MBOAT1: variants seen among roughly 807,000 people sequenced by gnomAD.
MBOAT1 encodes the protein membrane-bound glycerophospholipid O-acyltransferase 1.
MBOAT1 carries 67 observed loss-of-function variants against 64.4 expected under a neutral mutation model. The ratio of observed to expected loss-of-function variants is 1.04; its 90% CI spans 0.85 to 1.27. MBOAT1 has a LOEUF of 1.27. Among genes scored for constraint, MBOAT1 ranks in the 50% most tolerant of loss-of-function variants. MBOAT1 has a pLI of 0.00. For missense variants in MBOAT1, 563 were observed against 604.6 expected (o/e 0.93, Z 0.72); for synonymous variants, 229 against 218.9 (o/e 1.05, Z -0.41).
intron 1 of MBOAT1, among the ~76,000 whole-genome samples, chr6:20,190,304 T>G (rs1420454476): frequency 6.6e-6 from 1 of 152,190 alleles, no homozygotes; most frequent in African/African-American, 2.4e-5. Context: ...CTCTAAGTTT[T>G]TAAATATGAA....
chr6:20,101,541 C>G lies in MBOAT1; in HGVS notation c.*745G>C, dbSNP rs1759786040. Among the ~76,000 whole-genome samples the G allele has an allele frequency of 6.6e-6, 1 of 152,156 alleles. No homozygotes were observed. Among genetic ancestry groups the G allele is most frequent in the South Asian group, 2.1e-4 (1 of 4,830 alleles). ...ACAAGTCAAAGGGTCTGGGGCTTCC[C>G]AGGGAACCACTATGACTGAGTATAT... On this transcript the variant is annotated 3_prime_UTR_variant, in exon 13 of 13. Coordinates refer to ENST00000324607, the MANE Select transcript of MBOAT1 (RefSeq NM_001080480.3).
At chr6:20,139,755 A>G (rs1289548159) in intron 4 of MBOAT1, among the ~76,000 whole-genome samples, 8 of 150,478 alleles carry the variant, frequency 5.3e-5, no homozygotes, top group Non-Finnish European at 8.9e-5. Flanking sequence ...GGGTCTCACT[A>G]TGTTGCCCAG....
intron 4 of MBOAT1, among the ~76,000 whole-genome samples, chr6:20,137,001 ATC>A (rs925054351): frequency 6.6e-6 from 1 of 152,156 alleles, no homozygotes. Context: ...TTAATCATTC[ATC>A]TCTTTTAGAC....
At chr6:20,164,743 G>C (rs568575830) in intron 1 of MBOAT1, among the ~76,000 whole-genome samples, 2 of 152,174 alleles carry the variant, frequency 1.3e-5, no homozygotes, top group Non-Finnish European at 2.9e-5. Context: ...GCAGCTTAGC[G>C]AGTGTATGTT....
intron 10 of MBOAT1, 57 bp downstream of exon 10, chr6:20,115,231 T>C: frequency 7.8e-7 from 1 of 1,286,456 alleles, no homozygotes; most frequent in African/African-American, 1.5e-5. Flanking sequence ...ATCTACTGAC[T>C]CCCCTCTGAA....
intron 8 of MBOAT1, among the ~76,000 whole-genome samples, chr6:20,124,162 C>T (rs1581405231): frequency 6.6e-6 from 1 of 152,286 alleles, no homozygotes; most frequent in East Asian, 1.9e-4. Context: ...CAAGTTTTGA[C>T]ATCTGCTAAT....
intron 1 of MBOAT1, among the ~76,000 whole-genome samples, chr6:20,189,129 A>G (rs754166139): frequency 6.6e-6 from 1 of 152,192 alleles, no homozygotes; most frequent in Admixed American, 6.5e-5. Flanking sequence ...TAAACCATGG[A>G]CATTTTGCAC....
At chr6:20,192,488 C>T (rs189711676) in intron 1 of MBOAT1, among the ~76,000 whole-genome samples, 19 of 152,292 alleles carry the variant, frequency 1.2e-4, no homozygotes, top group Admixed American at 1.1e-3. Context: ...CATTTAAGAC[C>T]AAGACATTTC....
At chr6:20,168,069 T>A (rs545564552) in intron 1 of MBOAT1, among the ~76,000 whole-genome samples, 28 of 152,282 alleles carry the variant, frequency 1.8e-4, no homozygotes, top group Middle Eastern at 3.4e-3. Context: ...AAAGAACGGG[T>A]GTGTCCTAAA....
chr6:20,189,059 A>C (rs1480997653), intron 1 of MBOAT1, among the ~76,000 whole-genome samples: 1 of 152,154 alleles, frequency 6.6e-6, no homozygotes, highest in Non-Finnish European at 1.5e-5. Flanking sequence ...CCAGGAACCC[A>C]TGTGTTTAAG....
At position 20,159,772 on chromosome 6, in the gene MBOAT1, A is replaced by G. The variant is rs191673598; in HGVS notation, c.100-7003T>C. ...CACATTGTACCCTATAAACATATAC[A>G]TTATTTGTCAATTAAAAATAAAATA... On this transcript the variant is annotated intron_variant, in intron 1 of 12. Transcript: ENST00000324607. Among the ~76,000 whole-genome samples, 676 of 152,328 alleles carry G rather than the reference A, an allele frequency of 4.4e-3. 7 individuals are homozygous for G. The highest frequency in any genetic ancestry group is 0.016 in the African/African-American group (654 of 41,568).
Position 20,212,427 on chromosome 6 carries a change from T to A in MBOAT1, c.-193A>T. 3.4e-6 allele frequency: 2 copies of A among 586,748 alleles called. No homozygotes were observed. Among genetic ancestry groups the A allele is most frequent in the Non-Finnish European group, 5.9e-6 (2 of 337,376 alleles). 36.3% of individuals were successfully genotyped at this position (586,748 alleles called of 1,614,324 possible). A position where few individuals can be genotyped will look rare whatever the true frequency, so the allele number is the denominator to read the frequency against. On this transcript the variant is annotated 5_prime_UTR_variant, in exon 1 of 13. Transcript: ENST00000324607. ...GGCGCAAACTCTCGAGGCGCAAACTTGGCTTTGGCGCTGGCGCTGCAGCCA... is the reference window on the plus strand; with the variant it reads ...GGCGCAAACTCTCGAGGCGCAAACTAGGCTTTGGCGCTGGCGCTGCAGCCA...
chr6:20,126,568 C>T lies in MBOAT1; in HGVS notation c.663G>A (p.Glu221=). ...EGKHIHMKLL[E]VNWKRKGFHS... is the part of the protein sequence containing the mutation. ...GGAAACCTTTTCGCTTCCAGTTCACCTCCAGCAACTTCATGTGTATATGCT... is the reference window on the plus strand; with the variant it reads ...GGAAACCTTTTCGCTTCCAGTTCACTTCCAGCAACTTCATGTGTATATGCT... The change falls in exon 7 of 13, where the codon GAG becomes GAA. Residue 221 remains glutamate, a synonymous_variant. Coordinates refer to ENST00000324607, the MANE Select transcript of MBOAT1 (RefSeq NM_001080480.3). The T allele has an allele frequency of 1.2e-6, 2 of 1,613,256 alleles. No homozygotes were observed. The highest frequency in any genetic ancestry group is 1.1e-5 in the South Asian group (1 of 90,760).
intron 1 of MBOAT1, among the ~76,000 whole-genome samples, chr6:20,205,737 C>A (rs145090126): frequency 3.9e-5 from 6 of 152,220 alleles, no homozygotes; most frequent in African/African-American, 1.2e-4. Context: ...ACATTCAATG[C>A]CCTCAGACTG....
At chr6:20,202,156 A>G (rs1415146411) in intron 1 of MBOAT1, among the ~76,000 whole-genome samples, 1 of 152,176 alleles carries the variant, frequency 6.6e-6, no homozygotes, top group Non-Finnish European at 1.5e-5. Flanking sequence ...ACCTTTGCTG[A>G]CTCATCTGTT....
intron 1 of MBOAT1, among the ~76,000 whole-genome samples, chr6:20,206,003 C>T (rs1413542409): frequency 2.0e-5 from 3 of 152,090 alleles, no homozygotes; most frequent in Admixed American, 6.5e-5. Flanking sequence ...CCCCTAACTT[C>T]CTTCTCCCCC....
At chr6:20,188,808 T>C (rs772091428) in intron 1 of MBOAT1, among the ~76,000 whole-genome samples, 41 of 152,154 alleles carry the variant, frequency 2.7e-4, no homozygotes, top group Non-Finnish European at 5.1e-4. Context: ...TGTGTAGTCT[T>C]TCTTATCTGT....
intron 12 of MBOAT1, among the ~76,000 whole-genome samples, chr6:20,106,127 G>C (rs1267960704): frequency 6.6e-6 from 1 of 152,190 alleles, no homozygotes; most frequent in Non-Finnish European, 1.5e-5. Context: ...CCCAAGGGGA[G>C]GAACAGATCT....
rs1015326316 is a variant in MBOAT1 at position 20,102,245 on chromosome 6, A to G, written c.*41T>C. ...TGAAGCCTTGTCATCTCATCTTTCG[A>G]ACGTTCTGCAGTTTTGCTTGTTCCG... On this transcript the variant is annotated 3_prime_UTR_variant, in exon 13 of 13. Coordinates refer to ENST00000324607, the MANE Select transcript of MBOAT1 (RefSeq NM_001080480.3). The G allele has an allele frequency of 6.3e-7, 1 of 1,599,760 alleles. No individual in the cohort carries two copies. The highest frequency in any genetic ancestry group is 1.7e-4 in the Middle Eastern group (1 of 5,988).
Sources: gnomAD v4.1 joint callset for allele counts (sites outside exome capture counted in the v4.1 genomes callset) on GRCh38, gnomAD v4.1.1 for gene constraint, MANE v1.5 for transcripts, NCBI Gene and HGNC (gene_info 2026-07-23, HGNC 2026-07-21) for gene names.